Variants in TMBIM6 observed in about 807,000 individuals in gnomAD.
TMBIM6 encodes the protein bax inhibitor 1.
A neutral mutation model predicts 31.4 loss-of-function variants in TMBIM6; 13 were observed. That is an observed-to-expected ratio of 0.41 (90% CI 0.27 to 0.66). The LOEUF (loss-of-function observed/expected upper bound fraction) is 0.66. TMBIM6 is among the 30% of genes least tolerant of loss of function. TMBIM6 has a pLI of 0.28. For synonymous variants in TMBIM6, 85 were observed against 101.7 expected, an observed-to-expected ratio of 0.84 and a Z score of 0.99; for missense variants, 275 against 289.5, an observed-to-expected ratio of 0.95 and a Z score of 0.36.
At chr12:49,748,203 G>GC (rs1945432031) in intron 1 of TMBIM6, among the ~76,000 whole-genome samples, 1 of 148,250 alleles carries the variant, frequency 6.7e-6, no homozygotes, top group Admixed American at 6.7e-5. Flanking sequence ...CACCCAGCCT[G>GC]TTTTTTTTTT....
At chr12:49,756,760 G>C (rs1334456841) in intron 4 of TMBIM6, among the ~76,000 whole-genome samples, 1 of 131,434 alleles carries the variant, frequency 7.6e-6, no homozygotes. Context: ...TTTTGAGACT[G>C]AGTTTCACTC....
rs548786076 is a variant in TMBIM6, at chr12:49,763,526, C to G, written c.*630C>G. The G allele has an allele frequency of 2.0e-5, 3 of 152,422 alleles. No homozygotes were observed. The highest frequency in any genetic ancestry group is 7.2e-5 in the African/African-American group (3 of 41,572). The allele number at this position is 152,422 out of a possible 1,614,324, so 9.4% of individuals were successfully genotyped here. On this transcript the variant is annotated 3_prime_UTR_variant, in exon 10 of 10. Coordinates refer to ENST00000267115, the MANE Select transcript of TMBIM6 (RefSeq NM_003217.3). The stretch of plus-strand genomic sequence containing the variant: ...AATGTGTTCCCTTTCCCACCCCTTG[C>G]CTGACCCTCAGGGAGTCAGCCTGCT...
rs764219819 is a variant in TMBIM6 at position 49,758,299 on chromosome 12, T to C, written c.335+24T>C. ...AGGTAACTCTTTTGGTAGTGTCTTA[T>C]GTGCTTTTATCTTTATGAATATACC... On this transcript the variant is annotated intron_variant, in intron 5 of 9. Transcript: ENST00000267115. 2.3e-5 allele frequency: 37 copies of C among 1,614,072 alleles called. No homozygotes were observed. In the Middle Eastern group the frequency reaches 9.9e-4, roughly 43 times the overall value.
chr12:49,753,099 T>G lies in TMBIM6; in HGVS notation c.165+18T>G. 2 of 1,603,360 alleles carry G rather than the reference T, an allele frequency of 1.2e-6. No homozygotes were observed. Among genetic ancestry groups the G allele is most frequent in the East Asian group, 4.5e-5 (2 of 44,624 alleles). ...TCATTCAGGTAAGAACGATTTTCTC[T>G]CCTGGTTGCTGTGGTACAAATTACA... On this transcript the variant is annotated intron_variant, in intron 3 of 9. Transcript: ENST00000267115.
intron 1 of TMBIM6, among the ~76,000 whole-genome samples, chr12:49,747,024 G>A (rs976183652): frequency 6.6e-6 from 1 of 151,970 alleles, no homozygotes; most frequent in African/African-American, 2.4e-5. Context: ...TTTTACTAGA[G>A]ACTGGGTGTC....
chr12:49,755,569 G>A (rs1945573128), intron 3 of TMBIM6, 66 bp from the exon 4 acceptor site: 1 of 1,591,314 alleles, frequency 6.3e-7, no homozygotes, highest in African/African-American at 1.4e-5. Context: ...ACCCAATAAA[G>A]GTCTCTTGCA....
At chr12:49,760,791 C>G (rs758838767) in intron 8 of TMBIM6, among the ~76,000 whole-genome samples, 4 of 151,926 alleles carry the variant, frequency 2.6e-5, no homozygotes, top group Non-Finnish European at 5.9e-5. Flanking sequence ...ATCTGCCTTC[C>G]TCAGCCTCCC....
intron 1 of TMBIM6, among the ~76,000 whole-genome samples, chr12:49,743,256 A>T (rs1202931735): frequency 2.0e-5 from 3 of 148,576 alleles, no homozygotes; most frequent in Admixed American, 6.7e-5. Context: ...TTTTTTTTTG[A>T]GACAGTCTCA....
intron 1 of TMBIM6, chr12:49,741,987 T>G: frequency 1.7e-6 from 2 of 1,201,778 alleles, no homozygotes; most frequent in South Asian, 1.5e-5. Context: ...GCTTCGATCG[T>G]TCGAATTCAG....
chr12:49,743,349 C>G (rs1299019215), intron 1 of TMBIM6: 1 of 151,956 alleles, frequency 6.6e-6, no homozygotes, highest in African/African-American at 2.4e-5. Flanking sequence ...ATTCTCATGC[C>G]TCAGCCTCCT....
At chr12:49,759,352 T>G in intron 8 of TMBIM6, 31 bp downstream of exon 8, 2 of 1,581,876 alleles carry the variant, frequency 1.3e-6, no homozygotes, top group African/African-American at 1.3e-5. Flanking sequence ...TTAACAAGCA[T>G]GAAGGTTGAG....
At chr12:49,745,097 C>T (rs1404853908) in intron 1 of TMBIM6, among the ~76,000 whole-genome samples, 3 of 152,106 alleles carry the variant, frequency 2.0e-5, no homozygotes, top group Non-Finnish European at 4.4e-5. Flanking sequence ...CTAGGGTGTC[C>T]ACCTGGGAAG....
Position 49,764,190 on chromosome 12 carries a change from T to C in TMBIM6, c.*1294T>C. 1 of 139,738 alleles carries C rather than the reference T, an allele frequency of 7.2e-6. No homozygotes were observed. The highest frequency in any genetic ancestry group is 1.5e-5 in the Non-Finnish European group (1 of 67,252). The allele number at this position is 139,738 out of a possible 1,614,324, so 8.7% of individuals were successfully genotyped here. A position where few individuals can be genotyped will look rare whatever the true frequency, so the allele number is the denominator to read the frequency against. On this transcript the variant is annotated 3_prime_UTR_variant, in exon 10 of 10. Coordinates refer to ENST00000267115, the MANE Select transcript of TMBIM6 (RefSeq NM_003217.3). ...GACAGTCCTAATGGGGATCTCCAGC[T>C]CCTTCCTGTGGGCTGCCACAGACAG...
At chr12:49,755,924 C>T (rs886247038) in intron 4 of TMBIM6, among the ~76,000 whole-genome samples, 169 bp downstream of exon 4, 3 of 149,192 alleles carry the variant, frequency 2.0e-5, no homozygotes, top group Non-Finnish European at 3.0e-5. Flanking sequence ...AGCTCCGCCT[C>T]CCAGGTTCAC....
At chr12:49,748,170 G>GGGA (rs1945431058) in intron 1 of TMBIM6, among the ~76,000 whole-genome samples, 1 of 152,104 alleles carries the variant, frequency 6.6e-6, no homozygotes, top group South Asian at 2.1e-4. Context: ...CCAAAGTGCT[G>GGGA]GGATTACAGG....
At position 49,747,128 on chromosome 12, in the gene TMBIM6, G is replaced by A. The variant is rs532197464; in HGVS notation, c.-30-5336G>A. On this transcript the variant is annotated intron_variant, in intron 1 of 9. Coordinates refer to ENST00000267115, the MANE Select transcript of TMBIM6 (RefSeq NM_003217.3). The stretch of plus-strand genomic sequence containing the variant: ...GCTGGGATTACAGGCATGAGCCACC[G>A]TGCCCAGCCCTTTCCCCTCTTTTAA... 9.2e-5 allele frequency among the ~76,000 whole-genome samples: 14 copies of A among 152,066 alleles called. 1 individual carries two copies. Among genetic ancestry groups the A allele is most frequent in the Admixed American group, 3.3e-4 (5 of 15,288 alleles).
In TMBIM6 at chr12:49,764,710, TAAAA is replaced by T. The variant is rs917382791; in HGVS notation, c.*1823_*1826del. 2 of 101,782 alleles carry T rather than the reference TAAAA, an allele frequency of 2.0e-5. No homozygotes were observed. The highest frequency in any genetic ancestry group is 4.0e-5 in the Non-Finnish European group (2 of 50,084). The allele number at this position is 101,782 out of a possible 1,614,324, so 6.3% of individuals were successfully genotyped here. ...AACAGTGCCAAGAATGACAAGATAT[TAAAA>T]AAAAAAAAGAAAGAAAAAAAAAAAA... is the stretch of plus-strand genomic sequence containing the variant. On this transcript the variant is annotated 3_prime_UTR_variant, in exon 10 of 10. Transcript: ENST00000267115.
Position 49,761,740 on chromosome 12 carries a change from C to T in TMBIM6, c.651C>T (p.Val217=). The stretch of plus-strand genomic sequence containing the variant: ...ATCTCTTCTTAGATTTCATTACTGT[C>T]TTCAGAAAACTCATGATGATCCTGG... The part of the protein sequence containing the change: ...CIDLFLDFIT[V]FRKLMMILAM... Residue 217 remains valine (V), a synonymous_variant, in exon 9 of 10, where the codon GTC becomes GTT. Coordinates refer to ENST00000267115, the MANE Select transcript of TMBIM6 (RefSeq NM_003217.3). 6.2e-7 allele frequency: 1 copy of T among 1,614,196 alleles called. No individual in the cohort carries two copies. Among genetic ancestry groups the T allele is most frequent in the Non-Finnish European group, 8.5e-7 (1 of 1,180,044 alleles).
intron 4 of TMBIM6, among the ~76,000 whole-genome samples, chr12:49,757,339 G>T (rs1945623180): frequency 6.6e-6 from 1 of 152,210 alleles, no homozygotes; most frequent in Non-Finnish European, 1.5e-5. Context: ...AGTAGGCATA[G>T]AACTTTTAAT....
Sources: gnomAD v4.1 joint callset for allele counts (sites outside exome capture counted in the v4.1 genomes callset) on GRCh38, gnomAD v4.1.1 for gene constraint, MANE v1.5 for transcripts, NCBI Gene and HGNC (gene_info 2026-07-23, HGNC 2026-07-21) for gene names.